Variants in PTCHD4 observed in about 807,000 individuals in gnomAD.
PTCHD4 encodes patched domain-containing protein 4.
In PTCHD4, 33 loss-of-function variants were observed where a neutral mutation model predicts 58.1. The observed-to-expected ratio is 0.57, with a 90% CI of 0.43 to 0.76. PTCHD4 has a LOEUF of 0.76. Among genes scored for constraint, PTCHD4 ranks in the 30% least tolerant of loss-of-function variants. The probability of loss-of-function intolerance (pLI) is 0.00; values close to 1 mark genes in which losing one functional copy is unlikely to be tolerated. For missense variants in PTCHD4, 1,058 were observed against 1,027.1 expected (o/e 1.03, Z -0.41); for synonymous variants, 478 against 409.6 (o/e 1.17, Z -2.02).
intron 4 of PTCHD4, among the ~76,000 whole-genome samples, chr6:47,880,887 G>C (rs1223362179): frequency 6.6e-6 from 1 of 152,088 alleles, no homozygotes. Context: ...AGTAAACAAA[G>C]GTATTATACT....
Position 48,030,817 on chromosome 6 carries a change from G to C in PTCHD4, c.418-21703C>G, listed in dbSNP as rs553953229. Reference sequence around the variant, plus strand: ...TGACTGCCCTCTGAACTCAGAAACTGGGTTTCTAACTATTAATCTTTGTTT... The same window carrying C: ...TGACTGCCCTCTGAACTCAGAAACTCGGTTTCTAACTATTAATCTTTGTTT... On this transcript the variant is annotated intron_variant, in intron 3 of 4. Transcript: ENST00000339488. Among the ~76,000 whole-genome samples the C allele has an allele frequency of 3.9e-5, 6 of 152,106 alleles. No homozygotes were observed. The South Asian group carries it at 1.3e-3, about 32-fold the overall frequency.
chr6:48,092,146 G>T (rs1765379079), intron 1 of PTCHD4, among the ~76,000 whole-genome samples: 1 of 152,106 alleles, frequency 6.6e-6, no homozygotes, highest in Non-Finnish European at 1.5e-5. Context: ...GATTCTCTGA[G>T]TTCAGTGGTT....
chr6:48,103,284 T>A (rs997943424), intron 1 of PTCHD4, among the ~76,000 whole-genome samples: 15 of 152,160 alleles, frequency 9.9e-5, no homozygotes, highest in African/African-American at 2.2e-4. Context: ...GCAGCAGCAT[T>A]TGCGGTTCAC....
chr6:47,904,050 C>T (rs145600375), intron 4 of PTCHD4, among the ~76,000 whole-genome samples: 4 of 152,114 alleles, frequency 2.6e-5, no homozygotes, highest in African/African-American at 4.8e-5. Context: ...GCCCAAAGCC[C>T]GGGTGGCTGG....
chr6:48,100,597 T>C (rs1177228208), intron 1 of PTCHD4, among the ~76,000 whole-genome samples: 4 of 152,174 alleles, frequency 2.6e-5, no homozygotes, highest in African/African-American at 9.6e-5. Context: ...GCCATCACTA[T>C]TCAAGTAGGA....
chr6:47,957,767 A>AT (rs544837844), intron 4 of PTCHD4, among the ~76,000 whole-genome samples: 1,670 of 147,236 alleles, frequency 0.011, 30 homozygotes, highest in African/African-American at 0.036. Flanking sequence ...TGCCCGGCTA[A>AT]TTTTTTTTTT....
intron 3 of PTCHD4, among the ~76,000 whole-genome samples, chr6:48,022,645 C>A (rs1006123323): frequency 6.6e-6 from 1 of 152,074 alleles, no homozygotes. Flanking sequence ...AGAGTGTTAA[C>A]ATTTTCTGGG....
At chr6:47,940,161 T>C (rs1581908621) in intron 4 of PTCHD4, among the ~76,000 whole-genome samples, 1 of 152,242 alleles carries the variant, frequency 6.6e-6, no homozygotes, top group Admixed American at 6.5e-5. Context: ...TGTGACCTTT[T>C]CATCTTGGAT....
At chr6:48,054,678 C>T (rs889943856) in intron 3 of PTCHD4, among the ~76,000 whole-genome samples, 3 of 151,688 alleles carry the variant, frequency 2.0e-5, no homozygotes, top group African/African-American at 7.3e-5. Flanking sequence ...TTTTGTGCAA[C>T]CGGTAAAATG....
intron 4 of PTCHD4, among the ~76,000 whole-genome samples, chr6:47,953,220 T>C (rs1766722309): frequency 6.6e-6 from 1 of 152,154 alleles, no homozygotes; most frequent in Non-Finnish European, 1.5e-5. Context: ...AGTGTGACTA[T>C]ATAATTATGC....
intron 4 of PTCHD4, among the ~76,000 whole-genome samples, chr6:47,940,988 C>A (rs1394623649): frequency 6.6e-6 from 1 of 152,156 alleles, no homozygotes; most frequent in Non-Finnish European, 1.5e-5. Context: ...CACTTCCAGA[C>A]CTTTTATTAC....
intron 1 of PTCHD4, among the ~76,000 whole-genome samples, chr6:48,109,727 A>G (rs1765824257): frequency 6.6e-6 from 1 of 152,094 alleles, no homozygotes; most frequent in African/African-American, 2.4e-5. Context: ...CAAAACCCCA[A>G]AAAACAAAAC....
At chr6:47,947,611 A>G (rs1766475539) in intron 4 of PTCHD4, among the ~76,000 whole-genome samples, 1 of 152,148 alleles carries the variant, frequency 6.6e-6, no homozygotes, top group Non-Finnish European at 1.5e-5. Flanking sequence ...ATTAAAGATA[A>G]TTGTATTCTA....
intron 1 of PTCHD4, among the ~76,000 whole-genome samples, chr6:48,099,181 C>A (rs955102819): frequency 6.6e-6 from 1 of 152,156 alleles, no homozygotes; most frequent in African/African-American, 2.4e-5. Flanking sequence ...TTGGAGAGGG[C>A]TTTTCAAACT....
intron 4 of PTCHD4, among the ~76,000 whole-genome samples, chr6:47,997,901 T>A (rs146941001): frequency 6.6e-6 from 1 of 152,342 alleles, no homozygotes; most frequent in African/African-American, 2.4e-5. Flanking sequence ...TTTTGTTAGA[T>A]CACTAGGTAT....
At position 48,109,092 on chromosome 6, in the gene PTCHD4, C is replaced by G. The variant is rs893056962; in HGVS notation, c.-970+1957G>C. 6.6e-5 allele frequency among the ~76,000 whole-genome samples: 10 copies of G among 151,974 alleles called. No individual in the cohort carries two copies. In the South Asian group the frequency reaches 1.5e-3, roughly 22 times the overall value. ...GGGAAAATGAAGTAAAATACCTTAA[C>G]AAACTAAAAACAACTAAAAAAACTT... On this transcript the variant is annotated intron_variant, in intron 1 of 4. Transcript: ENST00000339488.
intron 3 of PTCHD4, among the ~76,000 whole-genome samples, chr6:48,031,605 G>C (rs1359019851): frequency 6.6e-6 from 1 of 152,090 alleles, no homozygotes; most frequent in African/African-American, 2.4e-5. Flanking sequence ...AGAAGCCGTG[G>C]GGGGAATCCA....
rs190797330 is a variant in PTCHD4, at chr6:48,020,595, C to T, written c.418-11481G>A. ...GAAAGTGCATTGCTATCCTGCATGT[C>T]GAAACCAAGATAAAGACAAATAAAG... On this transcript the variant is annotated intron_variant, in intron 3 of 4. Transcript: ENST00000339488. Among the ~76,000 whole-genome samples the T allele has an allele frequency of 9.9e-5, 15 of 152,012 alleles. No homozygotes were observed. The South Asian group carries it at 1.7e-3, about 17-fold the overall frequency.
chr6:48,086,926 G>A (rs977805080), intron 1 of PTCHD4, among the ~76,000 whole-genome samples: 1 of 151,898 alleles, frequency 6.6e-6, no homozygotes, highest in South Asian at 2.1e-4. Flanking sequence ...ATCTTTTCAC[G>A]TTAATAATGC....
Sources: allele counts gnomAD v4.1 joint callset (sites outside exome capture counted in the v4.1 genomes callset), GRCh38; gene constraint gnomAD v4.1.1; transcripts MANE v1.5; gene names NCBI Gene and HGNC (gene_info 2026-07-23, HGNC 2026-07-21).